Variants in NOD2 observed in about 807,000 individuals in gnomAD.
NOD2 encodes the protein nucleotide binding oligomerization domain containing 2.
Under a neutral mutation model 90.9 loss-of-function variants are expected in NOD2, and 86 were observed. The observed-to-expected ratio is 0.95, with a 90% CI of 0.79 to 1.13. The LOEUF (loss-of-function observed/expected upper bound fraction) is 1.13, where lower values mean the gene tolerates loss of function less well. Ranked by LOEUF, NOD2 falls within the 50% of genes most tolerant of loss-of-function variation. The pLI, the probability that NOD2 is intolerant of heterozygous loss-of-function variation, is 0.00. For missense variants in NOD2, 1,238 were observed against 1,283.8 expected, an observed-to-expected ratio of 0.96 and a Z score of 0.55; for synonymous variants, 581 against 554.6, an observed-to-expected ratio of 1.05 and a Z score of -0.67.
At chr16:50,728,503 TA>T in intron 10 of NOD2, 1 of 166,022 alleles carries the variant, frequency 6.0e-6, no homozygotes. Context: ...CAAAAAATCA[TA>T]AAGTGAGAAT....
chr16:50,693,978 T>G (rs1047880215), intron 1 of NOD2, among the ~76,000 whole-genome samples: 4 of 152,134 alleles, frequency 2.6e-5, no homozygotes, highest in African/African-American at 4.8e-5. Context: ...AGGATCCTGC[T>G]GCTGCTCTCT....
intron 8 of NOD2, among the ~76,000 whole-genome samples, chr16:50,723,040 G>A (rs1424585962): frequency 1.3e-5 from 2 of 148,582 alleles, no homozygotes; most frequent in Non-Finnish European, 3.0e-5. Context: ...CTGCACCTGG[G>A]CTTAAAGAAG....
chr16:50,716,763 G>T, intron 5 of NOD2, 93 bp downstream of exon 5: 1 of 1,489,868 alleles, frequency 6.7e-7, no homozygotes, highest in Non-Finnish European at 9.4e-7. Context: ...ATGGGCTGGG[G>T]CAGGGGCTGT....
intron 2 of NOD2, among the ~76,000 whole-genome samples, chr16:50,707,639 G>A (rs1311716843): frequency 6.6e-6 from 1 of 152,158 alleles, no homozygotes; most frequent in East Asian, 1.9e-4. Flanking sequence ...CACTGTTTTA[G>A]TGAGTTTTGA....
rs147389278 is a variant in NOD2, at chr16:50,730,803, T to C, written c.2969+902T>C. Among the ~76,000 whole-genome samples, 314 of 152,350 alleles carry C rather than the reference T, an allele frequency of 2.1e-3. 3 individuals are homozygous for C. Among genetic ancestry groups the C allele is most frequent in the African/African-American group, 7.2e-3 (300 of 41,588 alleles). The stretch of plus-strand genomic sequence containing the variant: ...AGACCAGGACCCTTTGGCAACTCAT[T>C]CCCATAAGCCTGTGACCCTTGCTTT... On this transcript the variant is annotated intron_variant, in intron 11 of 11. Coordinates refer to ENST00000647318, the MANE Select transcript of NOD2 (RefSeq NM_001370466.1).
rs67559630 is a variant in NOD2, at chr16:50,714,602, CTGTGTGTGTGTGTGTGTG to C, written c.2382-1961_2382-1944del. ...CAACCATGAGGTTGCTGTGAGTGCACTGTGTGTGTGTGTGTGTGTGTGTGTGTGTGTGTGTGTGTGTAT... is the reference window on the plus strand; with the variant it reads ...CAACCATGAGGTTGCTGTGAGTGCACTGTGTGTGTGTGTGTGTGTGTGTAT... On this transcript the variant is annotated intron_variant, in intron 4 of 11. Transcript: ENST00000647318. Among the ~76,000 whole-genome samples, 899 of 136,012 alleles carry C rather than the reference CTGTGTGTGTGTGTGTGTG, an allele frequency of 6.6e-3. 5 individuals carry two copies. The highest frequency in any genetic ancestry group is 9.0e-3 in the South Asian group (36 of 4,004). 89.2% of individuals were successfully genotyped at this position (136,012 alleles called of 152,430 possible).
At position 50,732,035 on chromosome 16, in the gene NOD2, G is replaced by A; in HGVS notation, c.*216G>A. On this transcript the variant is annotated 3_prime_UTR_variant, in exon 12 of 12. Coordinates refer to ENST00000647318, the MANE Select transcript of NOD2 (RefSeq NM_001370466.1). ...ATAGACTTTTCCCAAGCCTACTTTT[G>A]CCATTGACTTCTTCCCAAGATTCAA... 1.7e-6 allele frequency: 1 copy of A among 578,844 alleles called. No individual in the cohort carries two copies. Among genetic ancestry groups the A allele is most frequent in the Non-Finnish European group, 3.1e-6 (1 of 317,954 alleles). 35.9% of individuals were successfully genotyped at this position (578,844 alleles called of 1,614,324 possible).
At chr16:50,731,724 T>A in intron 11 of NOD2, 23 bp from the exon 12 acceptor site, 1 of 1,582,524 alleles carries the variant, frequency 6.3e-7, no homozygotes, top group Non-Finnish European at 8.7e-7. Flanking sequence ...CACTCAAACC[T>A]CTGTTCACTT....
At chr16:50,698,310 G>A (rs892550304) in intron 1 of NOD2, among the ~76,000 whole-genome samples, 1 of 152,212 alleles carries the variant, frequency 6.6e-6, no homozygotes, top group Admixed American at 6.5e-5. Flanking sequence ...ACGCACAGCA[G>A]GTCACTGATG....
rs1216713273 is a variant in NOD2 at position 50,701,571 on chromosome 16, A to G, written c.459+1617A>G. ...TATTGGACTGACCTTAGTTTCTCTTATAATTTGTTAGGGGAATTGAATCAG... is the reference window on the plus strand; with the variant it reads ...TATTGGACTGACCTTAGTTTCTCTTGTAATTTGTTAGGGGAATTGAATCAG... On this transcript the variant is annotated intron_variant, in intron 2 of 11. Transcript: ENST00000647318. 2.0e-5 allele frequency among the ~76,000 whole-genome samples: 3 copies of G among 152,214 alleles called. No individual in the cohort carries two copies. The East Asian group carries it at 5.8e-4, about 29-fold the overall frequency.
intron 2 of NOD2, 53 bp downstream of exon 2, chr16:50,700,007 C>A: frequency 6.6e-7 from 1 of 1,509,060 alleles, no homozygotes; most frequent in Non-Finnish European, 9.1e-7. Flanking sequence ...GGTGCTTAGT[C>A]ACCAAGACTG....
At chr16:50,723,237 A>G in intron 8 of NOD2, 64 bp from the exon 9 acceptor site, 1 of 1,467,156 alleles carries the variant, frequency 6.8e-7, no homozygotes, top group East Asian at 2.3e-5. Context: ...TGCCCTCCAT[A>G]GGTTAGCTCA....
chr16:50,695,731 G>T (rs1963617248), intron 1 of NOD2, among the ~76,000 whole-genome samples: 1 of 151,986 alleles, frequency 6.6e-6, no homozygotes, highest in Non-Finnish European at 1.5e-5. Flanking sequence ...TGAAGAAAAT[G>T]CCCCAAAGAG....
At chr16:50,721,412 GT>G (rs553522161) in intron 7 of NOD2, among the ~76,000 whole-genome samples, 121 of 143,080 alleles carry the variant, frequency 8.5e-4, no homozygotes, top group Non-Finnish European at 1.6e-3. Context: ...TTTTGTTGTT[GT>G]TTTTTTTTGC....
rs867184583 is a variant in NOD2, at chr16:50,699,872, T to G, written c.377T>G (p.Leu126Arg). ...CTCCACAGCCATGTGGAGAACATGC[T>G]GGACCTGGCATGGGAGCGGGGTTTC... ...RRLHSHVENM[L>R]DLAWERGFVS... Residue 126 changes from leucine to arginine, a missense_variant, in exon 2 of 12, where the codon CTG (leucine) becomes CGG (arginine). Transcript: ENST00000647318. 13 of 1,613,260 alleles carry G rather than the reference T, an allele frequency of 8.1e-6. No homozygotes were observed. In the Middle Eastern group the frequency reaches 4.9e-4, roughly 61 times the overall value.
Position 50,712,152 on chromosome 16 carries a change from C to T in NOD2, c.2160C>T (p.Tyr720=), listed in dbSNP as rs751417475. 2.1e-5 allele frequency: 34 copies of T among 1,613,988 alleles called. No homozygotes were observed. In the East Asian group the frequency reaches 4.0e-4, roughly 19 times the overall value. The part of the protein sequence containing the change: ...PGFIWLIRSL[Y]EMQEERLARK... ...TCATCTGGCTCATCCGGAGCCTGTACGAGATGCAGGAGGAGCGGCTGGCTC... is the reference window on the plus strand; with the variant it reads ...TCATCTGGCTCATCCGGAGCCTGTATGAGATGCAGGAGGAGCGGCTGGCTC... The change falls in exon 4 of 12, where the codon TAC becomes TAT. Residue 720 remains tyrosine, a synonymous_variant. Transcript: ENST00000647318.
intron 11 of NOD2, 52 bp downstream of exon 11, chr16:50,729,953 T>A: frequency 7.3e-7 from 1 of 1,375,462 alleles, no homozygotes; most frequent in African/African-American, 1.4e-5. Context: ...AGTTTTTCTA[T>A]CTGTAAAATG....
rs745486213 is a variant in NOD2 at position 50,711,951 on chromosome 16, G to A, written c.1959G>A (p.Gly653=). 1.2e-6 allele frequency: 2 copies of A among 1,612,872 alleles called. No homozygotes were observed. Among genetic ancestry groups the A allele is most frequent in the Non-Finnish European group, 1.7e-6 (2 of 1,179,374 alleles). Residue 653 remains glycine (G), a synonymous_variant, in exon 4 of 12, where the codon GGG becomes GGA. Coordinates refer to ENST00000647318, the MANE Select transcript of NOD2 (RefSeq NM_001370466.1). The part of the protein sequence containing the change: ...NLQITAAFLA[G]LLSREHWGLL... Reference sequence around the variant, plus strand: ...AGATCACAGCAGCCTTCCTGGCAGGGCTGTTGTCCCGGGAGCACTGGGGCC... The same window carrying A: ...AGATCACAGCAGCCTTCCTGGCAGGACTGTTGTCCCGGGAGCACTGGGGCC...
At position 50,711,927 on chromosome 16, in the gene NOD2, G is replaced by C. The variant is rs1414478945; in HGVS notation, c.1935G>C (p.Gln645His). The C allele has an allele frequency of 6.2e-7, 1 of 1,611,540 alleles. No homozygotes were observed. Among genetic ancestry groups the C allele is most frequent in the Non-Finnish European group, 8.5e-7 (1 of 1,178,292 alleles). The change falls in exon 4 of 12, where the codon CAG (glutamine) becomes CAC (histidine). Residue 645 changes from glutamine to histidine, a missense_variant. Around this residue, in one of 3 missense-constraint regions of NOD2, gnomAD observed 667 missense variants for 688.7 expected, o/e 0.97. Coordinates refer to ENST00000647318, the MANE Select transcript of NOD2 (RefSeq NM_001370466.1). ...AGAAGGCCGAGCCGCACAACCTTCA[G>C]ATCACAGCAGCCTTCCTGGCAGGGC... The part of the protein sequence containing the change: ...LLQKAEPHNL[Q>H]ITAAFLAGLL...
Sources: allele counts gnomAD v4.1 joint callset (sites outside exome capture counted in the v4.1 genomes callset), GRCh38; gene constraint gnomAD v4.1.1; regional missense constraint gnomAD v4.1.1; transcripts MANE v1.5; gene names NCBI Gene and HGNC (gene_info 2026-07-23, HGNC 2026-07-21).